The following DIPK2A variants were observed in gnomAD, a reference collection of about 807,000 sequenced individuals.
DIPK2A encodes divergent protein kinase domain 2A, also known as Golgi Protein of 49 kDa.
In DIPK2A, 27 loss-of-function variants were observed where a neutral mutation model predicts 39.0. The observed-to-expected ratio is 0.69, with a 90% CI of 0.51 to 0.96. DIPK2A has a LOEUF of 0.96. Among genes scored for constraint, DIPK2A ranks in the 40% least tolerant of loss-of-function variants. The pLI, the probability that DIPK2A is intolerant of heterozygous loss-of-function variation, is 0.00. For missense variants in DIPK2A, 528 were observed against 571.3 expected, an observed-to-expected ratio of 0.92 and a Z score of 0.77; for synonymous variants, 298 against 240.8, an observed-to-expected ratio of 1.24 and a Z score of -2.20.
chr3:143,976,556 G>GTGAGAC (rs1559853356), intron 1 of DIPK2A, among the ~76,000 whole-genome samples: 1,097 of 105,522 alleles, frequency 0.01, 12 homozygotes, highest in African/African-American at 0.07. Context: ...GTGTGTGTGT[G>GTGAGAC]AGAGAGAGAG....
chr3:143,985,512 C>A lies in DIPK2A; in HGVS notation c.658-31C>A, dbSNP rs771318374. ...AGACCTAGGATATTTTCATCAGAAT[C>A]TCTTGTAATATTAAGATAATTCTTT... On this transcript the variant is annotated intron_variant, in intron 1 of 2. Transcript: ENST00000315691. 2.2e-5 allele frequency: 35 copies of A among 1,571,186 alleles called. No homozygotes were observed. In the South Asian group the frequency reaches 3.8e-4, roughly 17 times the overall value.
At position 143,985,689 on chromosome 3, in the gene DIPK2A, GGAAATAGCA is replaced by G; in HGVS notation, c.808_816del (p.Ile270_Glu272del). The G allele has an allele frequency of 6.2e-7, 1 of 1,614,134 alleles. No homozygotes were observed. Among genetic ancestry groups the G allele is most frequent in the Non-Finnish European group, 8.5e-7 (1 of 1,180,022 alleles). ...GAGTTGACCTCGCTTGGCAATTAAT[GGAAATAGCA>G]GAACAGCTTACAAACAATGACTTTG... On this transcript the variant is annotated inframe_deletion, in exon 2 of 3. Transcript: ENST00000315691.
intron 1 of DIPK2A, chr3:143,978,625 T>TAG (rs2087769999): frequency 3.1e-5 from 1 of 32,384 alleles, no homozygotes; most frequent in African/African-American, 3.3e-4. Flanking sequence ...TCTATATCTA[T>TAG]ATATATATAT....
At chr3:143,981,504 A>T (rs2087828857) in intron 1 of DIPK2A, among the ~76,000 whole-genome samples, 1 of 152,108 alleles carries the variant, frequency 6.6e-6, no homozygotes, top group Non-Finnish European at 1.5e-5. Context: ...CTTAATATTA[A>T]ACTCATCCTT....
rs761788423 is a variant in DIPK2A, at chr3:143,985,551, G to T, written c.666G>T (p.Pro222=). 9.9e-6 allele frequency: 16 copies of T among 1,612,574 alleles called. No homozygotes were observed. In the South Asian group the frequency reaches 1.6e-4, roughly 17 times the overall value. ...NPEPLVLQSF[P]SDEGWPFAKY... ...AGATAATTCTTTTGTAGAGTTTTCCGTCTGATGAAGGTTGGCCATTTGCAA... is the reference window on the plus strand; with the variant it reads ...AGATAATTCTTTTGTAGAGTTTTCCTTCTGATGAAGGTTGGCCATTTGCAA... The change falls in exon 2 of 3, where the codon CCG becomes CCT. Residue 222 remains proline, a synonymous_variant. Coordinates refer to ENST00000315691, the MANE Select transcript of DIPK2A (RefSeq NM_173552.5).
At chr3:143,983,472 A>ACTT (rs2087854818) in intron 1 of DIPK2A, among the ~76,000 whole-genome samples, 2 of 152,240 alleles carry the variant, frequency 1.3e-5, no homozygotes, top group East Asian at 1.9e-4. Flanking sequence ...GTAAATGATA[A>ACTT]AATTAAGGCA....
At chr3:143,989,418 A>C (rs2087948484) in intron 2 of DIPK2A, 92 bp from the exon 3 acceptor site, 4 of 728,872 alleles carry the variant, frequency 5.5e-6, no homozygotes, top group Non-Finnish European at 8.9e-6. Context: ...GTGTAGAACA[A>C]ATACTATTAA....
chr3:143,977,762 C>T (rs755101107), intron 1 of DIPK2A, among the ~76,000 whole-genome samples: 3 of 152,082 alleles, frequency 2.0e-5, no homozygotes, highest in Non-Finnish European at 4.4e-5. Flanking sequence ...TCCATTGACA[C>T]TTTTGATTGC....
chr3:143,981,466 G>C (rs2087828339), intron 1 of DIPK2A, among the ~76,000 whole-genome samples: 1 of 152,068 alleles, frequency 6.6e-6, no homozygotes, highest in Non-Finnish European at 1.5e-5. Context: ...GGCTTTTCAT[G>C]TGCCTGAACT....
chr3:143,989,764 A>G lies in DIPK2A; in HGVS notation c.1216A>G (p.Lys406Glu). The change falls in exon 3 of 3, where the codon AAG becomes GAG. Residue 406 changes from lysine to glutamate, a missense_variant. Around this residue, in one of 2 missense-constraint regions of DIPK2A, gnomAD observed 219 missense variants for 281.5 expected, o/e 0.78. Transcript: ENST00000315691. ...CTTGCTGGATGAGTGTGCCAACCCA[A>G]AGAAGCGCTATGGCAGATTCCAGGC... ...EALLDECANP[K>E]KRYGRFQAAK... The G allele has an allele frequency of 1.9e-6, 3 of 1,614,210 alleles. No homozygotes were observed. The highest frequency in any genetic ancestry group is 1.7e-6 in the Non-Finnish European group (2 of 1,180,036).
intron 1 of DIPK2A, chr3:143,973,196 T>C: frequency 9.8e-7 from 1 of 1,016,128 alleles, no homozygotes; most frequent in South Asian, 1.4e-5. Context: ...GAGTCTGCTC[T>C]TGTTACCTAG....
intron 2 of DIPK2A, among the ~76,000 whole-genome samples, chr3:143,987,465 C>T (rs2087919760): frequency 6.6e-6 from 1 of 152,186 alleles, no homozygotes; most frequent in Non-Finnish European, 1.5e-5. Context: ...CATGGGTCCT[C>T]TAAATAGTCA....
chr3:143,973,072 C>T, intron 1 of DIPK2A, 83 bp downstream of exon 1: 1 of 1,479,844 alleles, frequency 6.8e-7, no homozygotes, highest in Non-Finnish European at 9.1e-7. Context: ...TCAGCCAGCG[C>T]TTGCCGCCAG....
rs115090644 is a variant in DIPK2A at position 143,988,984 on chromosome 3, G to A, written c.962-526G>A. On this transcript the variant is annotated intron_variant, in intron 2 of 2. Transcript: ENST00000315691. Reference sequence around the variant, plus strand: ...ACGACCTATTTTTCTAGCGTCACCTGTATCTCCTTGCCAACTACGTTTCTC... The same window carrying A: ...ACGACCTATTTTTCTAGCGTCACCTATATCTCCTTGCCAACTACGTTTCTC... Among the ~76,000 whole-genome samples, 218 of 152,268 alleles carry A rather than the reference G, an allele frequency of 1.4e-3. 1 individual carries two copies. Among genetic ancestry groups the A allele is most frequent in the African/African-American group, 4.6e-3 (192 of 41,540 alleles).
intron 1 of DIPK2A, chr3:143,973,437 G>A: frequency 2.6e-6 from 4 of 1,550,930 alleles, no homozygotes; most frequent in Admixed American, 2.0e-5. Flanking sequence ...CTTTTCTGGC[G>A]CTGGTGGCTG....
In DIPK2A at chr3:143,973,534, T is replaced by A. The variant is rs1193141340; in HGVS notation, c.657+545T>A. ...TAATTCGAGGACAAGTTGGGGAGGA[T>A]GAAGTCGGAGAACGGGACAGTGGTC... On this transcript the variant is annotated intron_variant, in intron 1 of 2. Transcript: ENST00000315691. 3 of 1,551,414 alleles carry A rather than the reference T, an allele frequency of 1.9e-6. No homozygotes were observed. The African/African-American group carries it at 4.1e-5, about 21-fold the overall frequency.
At chr3:143,975,591 C>T (rs187773456) in intron 1 of DIPK2A, among the ~76,000 whole-genome samples, 130 of 152,180 alleles carry the variant, frequency 8.5e-4, no homozygotes, top group African/African-American at 3.0e-3. Context: ...AGTATTTATA[C>T]AGGTTTTTAT....
In DIPK2A at chr3:143,972,827, G is replaced by A. The variant is rs768449044; in HGVS notation, c.495G>A (p.Ser165=). 32 of 1,565,302 alleles carry A rather than the reference G, an allele frequency of 2.0e-5. 1 individual carries two copies. The highest frequency in any genetic ancestry group is 5.5e-5 in the Admixed American group (3 of 54,096). The change falls in exon 1 of 3, where the codon TCG becomes TCA. Residue 165 remains serine, a synonymous_variant. Transcript: ENST00000315691. The stretch of plus-strand genomic sequence containing the variant: ...CGCCCGAGGCGGTGGAGGGCTGGTC[G>A]GACCTGGTGCACTGCCCCTCGCAGC... The part of the protein sequence containing the change: ...LLTPEAVEGW[S]DLVHCPSQRL...
Position 143,972,869 on chromosome 3 carries a change from G to C in DIPK2A, c.537G>C (p.Leu179=), listed in dbSNP as rs1246867882. 6.3e-7 allele frequency: 1 copy of C among 1,574,946 alleles called. No individual in the cohort carries two copies. The highest frequency in any genetic ancestry group is 1.8e-5 in the Admixed American group (1 of 54,982). Residue 179 remains leucine (L), a synonymous_variant, in exon 1 of 3, where the codon CTG becomes CTC. Transcript: ENST00000315691. The part of the protein sequence containing the change: ...HCPSQRLLDR[L]VRRYAETKDS... Reference sequence around the variant, plus strand: ...CCTCGCAGCGCCTTCTCGACCGCCTGGTGCGCCGCTACGCGGAGACCAAGG... The same window carrying C: ...CCTCGCAGCGCCTTCTCGACCGCCTCGTGCGCCGCTACGCGGAGACCAAGG...
Sources: allele counts gnomAD v4.1 joint callset (sites outside exome capture counted in the v4.1 genomes callset), GRCh38; gene constraint gnomAD v4.1.1; regional missense constraint gnomAD v4.1.1; transcripts MANE v1.5; gene names NCBI Gene and HGNC (gene_info 2026-07-23, HGNC 2026-07-21).